The following DDB2 variants were observed in gnomAD, a reference collection of about 807,000 sequenced individuals.
The protein encoded by DDB2 is DNA damage-binding protein 2.
DDB2 carries 27 observed loss-of-function variants against 50.5 expected under a neutral mutation model. That is an observed-to-expected ratio of 0.53 (90% CI 0.39 to 0.74). DDB2 has a LOEUF of 0.74. Among genes scored for constraint, DDB2 ranks in the 30% least tolerant of loss-of-function variants. The probability of loss-of-function intolerance (pLI) is 0.00; values close to 1 mark genes in which losing one functional copy is unlikely to be tolerated. For synonymous variants in DDB2, 176 were observed against 205.5 expected, an observed-to-expected ratio of 0.86 and a Z score of 1.23; for missense variants, 424 against 545.6, an observed-to-expected ratio of 0.78 and a Z score of 2.22.
Position 47,215,189 on chromosome 11 carries a change from G to A in DDB2, c.53G>A (p.Arg18His), listed in dbSNP as rs765557363. 2 of 1,614,052 alleles carry A rather than the reference G, an allele frequency of 1.2e-6. No individual in the cohort carries two copies. The highest frequency in any genetic ancestry group is 1.7e-6 in the Non-Finnish European group (2 of 1,180,012). The change falls in exon 1 of 10, where the codon CGC becomes CAC. Residue 18 changes from arginine (R) to histidine (H), a missense_variant. By Grantham distance (29) the Arg-to-His change is conservative. Transcript: ENST00000256996. Reference protein sequence around the residue: ...ETQKTSEIVLRPRNKRSRSPL... With the variant: ...ETQKTSEIVLHPRNKRSRSPL... The stretch of plus-strand genomic sequence containing the variant: ...CAGAAGACCTCCGAGATTGTATTAC[G>A]CCCCAGGAACAAGAGGAGCAGGAGT...
chr11:47,233,661 A>G (rs1258580972), intron 4 of DDB2, among the ~76,000 whole-genome samples: 1 of 151,782 alleles, frequency 6.6e-6, no homozygotes, highest in Non-Finnish European at 1.5e-5. Context: ...GTGAGCCGAG[A>G]TGGCGCCATT....
intron 3 of DDB2, among the ~76,000 whole-genome samples, chr11:47,228,937 A>G (rs1260404144): frequency 1.5e-5 from 2 of 135,730 alleles, no homozygotes; most frequent in African/African-American, 5.3e-5. Flanking sequence ...AGCCTGGGCT[A>G]CAGAGTGAGA....
intron 3 of DDB2, among the ~76,000 whole-genome samples, chr11:47,227,099 C>CTT (rs34243882): frequency 0.54 from 17,190 of 32,066 alleles, 6,822 homozygotes; most frequent in Non-Finnish European, 0.58. Flanking sequence ...GGATATTAAC[C>CTT]TTTTTTTTTT....
At chr11:47,223,117 TA>T (rs1222975298) in intron 3 of DDB2, among the ~76,000 whole-genome samples, 1 of 152,264 alleles carries the variant, frequency 6.6e-6, no homozygotes, top group East Asian at 1.9e-4. Flanking sequence ...TTTTATTTTT[TA>T]ATTGGTAAAT....
Position 47,234,579 on chromosome 11 carries a change from GT to G in DDB2, c.613del (p.Cys205ValfsTer21). 6.2e-7 allele frequency: 1 copy of G among 1,613,988 alleles called. No homozygotes were observed. ...ACACAGTCTCTCCCTCCAGCATCTG[GT>G]TTTGTAGCCTGGATGTGTCTGCTAG... ...FASSDTINIW[F>X]CSLDVSASSR... On this transcript the variant is annotated frameshift_variant, in exon 5 of 10. Transcript: ENST00000256996. LOFTEE classifies it high-confidence loss of function.
rs373315783 is a variant in DDB2, at chr11:47,238,899, G to A, written c.*50G>A. 5 of 1,596,028 alleles carry A rather than the reference G, an allele frequency of 3.1e-6. No individual in the cohort carries two copies. The Admixed American group carries it at 6.7e-5, about 21-fold the overall frequency. On this transcript the variant is annotated 3_prime_UTR_variant, in exon 10 of 10. Transcript: ENST00000256996. ...AGACAAGGCCTTGGAGCCCACACAT[G>A]GGATCAAGTCCTGCAAGCAGAGGTG...
In DDB2 at chr11:47,215,106, G is replaced by T. The variant is rs375840702; in HGVS notation, c.-31G>T. 1 of 1,613,958 alleles carries T rather than the reference G, an allele frequency of 6.2e-7. No homozygotes were observed. The highest frequency in any genetic ancestry group is 2.2e-5 in the East Asian group (1 of 44,856). ...ATCCTCCCTCCATGATCTTCGCATA[G>T]AGCACAGTACCCCTTCACACGGAGG... On this transcript the variant is annotated 5_prime_UTR_variant, in exon 1 of 10. An upstream open reading frame in the 5' UTR loses its in-frame stop. Transcript: ENST00000256996.
chr11:47,231,749 G>A (rs1342713217), intron 3 of DDB2, among the ~76,000 whole-genome samples: 1 of 151,930 alleles, frequency 6.6e-6, no homozygotes, highest in Non-Finnish European at 1.5e-5. Context: ...TGAACTCCTG[G>A]CCTCAAGCAA....
At position 47,215,027 on chromosome 11, in the gene DDB2, C is replaced by T. The variant is rs559929930; in HGVS notation, c.-110C>T. On this transcript the variant is annotated 5_prime_UTR_variant, in exon 1 of 10. Transcript: ENST00000256996. ...CGGGAAGTTGGCTTAGCTCGGCTAC[C>T]TGTGGCCCCGCAGTTTTGTAGTCCC... 5.2e-6 allele frequency: 8 copies of T among 1,544,238 alleles called. No individual in the cohort carries two copies. Among genetic ancestry groups the T allele is most frequent in the African/African-American group, 2.7e-5 (2 of 73,544 alleles).
At chr11:47,237,396 T>C (rs901737846) in intron 7 of DDB2, among the ~76,000 whole-genome samples, 2 of 151,986 alleles carry the variant, frequency 1.3e-5, no homozygotes, top group African/African-American at 4.8e-5. Flanking sequence ...GTAAGACTTA[T>C]CTCCATTATT....
In DDB2 at chr11:47,215,127, G is replaced by C. The variant is rs371281878; in HGVS notation, c.-10G>C. 8.1e-6 allele frequency: 13 copies of C among 1,613,910 alleles called. No homozygotes were observed. The African/African-American group carries it at 1.6e-4, about 20-fold the overall frequency. ...CATAGAGCACAGTACCCCTTCACAC[G>C]GAGGACGCGATGGCTCCCAAGAAAC... On this transcript the variant is annotated 5_prime_UTR_variant, in exon 1 of 10. Coordinates refer to ENST00000256996, the MANE Select transcript of DDB2 (RefSeq NM_000107.3).
intron 7 of DDB2, 78 bp downstream of exon 7, chr11:47,235,490 G>A (rs1281708033): frequency 1.7e-5 from 25 of 1,499,262 alleles, no homozygotes; most frequent in Non-Finnish European, 2.3e-5. Flanking sequence ...CAGTGGGGAA[G>A]GGCTGATGTG....
intron 1 of DDB2, chr11:47,216,091 T>C: frequency 1.6e-6 from 1 of 623,780 alleles, no homozygotes; most frequent in Admixed American, 2.3e-5. Flanking sequence ...TCAGGAACCC[T>C]GCACGACTGT....
intron 4 of DDB2, among the ~76,000 whole-genome samples, chr11:47,233,635 G>A (rs1953680377): frequency 6.6e-6 from 1 of 151,684 alleles, no homozygotes; most frequent in Non-Finnish European, 1.5e-5. Context: ...CTTGAACCCA[G>A]GAGGCAGAGG....
intron 7 of DDB2, 54 bp downstream of exon 7, chr11:47,235,466 A>G: frequency 5.7e-6 from 9 of 1,578,956 alleles, no homozygotes; most frequent in South Asian, 1.1e-5. Context: ...ATGAGGCCGG[A>G]GCAGGTCTGC....
At chr11:47,225,855 A>C (rs1400253372) in intron 3 of DDB2, among the ~76,000 whole-genome samples, 1 of 152,198 alleles carries the variant, frequency 6.6e-6, no homozygotes, top group African/African-American at 2.4e-5. Context: ...TCTAAGTGGA[A>C]TCATACAGTA....
intron 3 of DDB2, among the ~76,000 whole-genome samples, chr11:47,230,068 T>C (rs1238904383): frequency 1.6e-5 from 2 of 125,092 alleles, no homozygotes; most frequent in Non-Finnish European, 3.7e-5. Context: ...GACGTTGAGG[T>C]GGAAGGATTG....
In DDB2 at chr11:47,215,233, G is replaced by T; in HGVS notation, c.97G>T (p.Glu33Ter). The change falls in exon 1 of 10, where the codon GAG becomes TAG. Residue 33 changes from glutamate (E) to a stop codon, truncating the protein, a stop_gained. Transcript: ENST00000256996. LOFTEE classifies it high-confidence loss of function. ...RSRSPLELEPEAKKLCAKGSG... is the reference protein window; with the variant it reads ...RSRSPLELEP ...CAGGAGTCCCCTGGAGCTGGAGCCC[G>T]AGGCCAAGAAGCTCTGTGCGAAGGG... 6.2e-7 allele frequency: 1 copy of T among 1,613,892 alleles called. No individual in the cohort carries two copies. The highest frequency in any genetic ancestry group is 8.5e-7 in the Non-Finnish European group (1 of 1,179,982).
chr11:47,232,868 C>G lies in DDB2; in HGVS notation c.511C>G (p.Gln171Glu), dbSNP rs201703288. 1.5e-4 allele frequency: 240 copies of G among 1,614,072 alleles called. No homozygotes were observed. In the Admixed American group the frequency reaches 4.0e-3, roughly 27 times the overall value. Residue 171 changes from glutamine (Q) to glutamate (E), a missense_variant, in exon 4 of 10, where the codon CAG becomes GAG. Transcript: ENST00000256996. ...GAAGTTTAACCCTCTCAATACCAAC[C>G]AGTTTTACGCCTCCTCAATGGAGGG... is the stretch of plus-strand genomic sequence containing the variant. ...GLKFNPLNTN[Q>E]FYASSMEGTT... is the part of the protein sequence containing the mutation.
Sources: gnomAD v4.1 joint callset for allele counts (sites outside exome capture counted in the v4.1 genomes callset) on GRCh38, gnomAD v4.1.1 for gene constraint, MANE v1.5 for transcripts, NCBI Gene and HGNC (gene_info 2026-07-23, HGNC 2026-07-21) for gene names.